Variants in LARP1B observed in about 807,000 individuals in gnomAD.
The protein encoded by LARP1B is La ribonucleoprotein 1B, also known as la-related protein 1B.
In LARP1B, 76 loss-of-function variants were observed where a neutral mutation model predicts 114.2. The observed-to-expected ratio is 0.67, with a 90% CI of 0.55 to 0.81. The LOEUF (loss-of-function observed/expected upper bound fraction) is 0.81, where lower values mean the gene tolerates loss of function less well. Ranked by LOEUF, LARP1B falls within the 30% of genes least tolerant of loss-of-function variation. The pLI is 0.00. For synonymous variants in LARP1B, 345 were observed against 348.0 expected (o/e 0.99, Z 0.10); for missense variants, 1,014 against 1,075.8 (o/e 0.94, Z 0.80).
chr4:128,206,937 A>G (rs1757771441), intron 18 of LARP1B: 3 of 683,368 alleles, frequency 4.4e-6, no homozygotes, highest in East Asian at 1.3e-4. Flanking sequence ...TTTAGAAGCT[A>G]TGTGATTGTG....
Position 128,088,203 on chromosome 4 carries a change from AATG to A in LARP1B, c.359-2781_359-2779del, listed in dbSNP as rs35874685. Reference sequence around the variant, plus strand: ...AGACCCCATCTCTAAAATCAATAATAATGATGATGATGATGATGAACAGTGGAA... The same window carrying A: ...AGACCCCATCTCTAAAATCAATAATAATGATGATGATGATGAACAGTGGAA... On this transcript the variant is annotated intron_variant, in intron 5 of 19. Coordinates refer to ENST00000326639, the MANE Select transcript of LARP1B (RefSeq NM_018078.4). Among the ~76,000 whole-genome samples the A allele has an allele frequency of 3.4e-3, 508 of 150,954 alleles. 5 individuals are homozygous for A. The highest frequency in any genetic ancestry group is 0.012 in the African/African-American group (480 of 41,092).
At position 128,209,917 on chromosome 4, in the gene LARP1B, A is replaced by G. The variant is rs781417699; in HGVS notation, c.2609A>G (p.Asn870Ser). Residue 870 changes from asparagine to serine, a missense_variant, in exon 20 of 20, where the codon AAT becomes AGT. Coordinates refer to ENST00000326639, the MANE Select transcript of LARP1B (RefSeq NM_018078.4). ...RHSSTSGEES[N>S]RHRLPPNSST... is the part of the protein sequence containing the mutation. ...TCCTCTACTTCTGGTGAGGAGAGTA[A>G]TCGTCATAGACTTCCACCTAATTCC... The G allele has an allele frequency of 3.7e-6, 6 of 1,613,974 alleles. No homozygotes were observed. In the South Asian group the frequency reaches 4.4e-5, roughly 12 times the overall value.
chr4:128,111,182 G>T (rs1174658934), intron 9 of LARP1B, among the ~76,000 whole-genome samples: 1 of 152,022 alleles, frequency 6.6e-6, no homozygotes, highest in Non-Finnish European at 1.5e-5. Flanking sequence ...GGGTAGCTGG[G>T]ACTACAGGTG....
In LARP1B at chr4:128,147,599, T is replaced by A. The variant is rs144426019; in HGVS notation, c.1525-14595T>A. Among the ~76,000 whole-genome samples, 220 of 152,320 alleles carry A rather than the reference T, an allele frequency of 1.4e-3. 1 individual carries two copies. Among genetic ancestry groups the A allele is most frequent in the Non-Finnish European group, 2.2e-3 (153 of 68,030 alleles). On this transcript the variant is annotated intron_variant, in intron 11 of 19. Transcript: ENST00000326639. ...TTAAATAATGAAATCTGGATGTGGT[T>A]ATTGCTAGAACAGTGGCTGAAGAAA...
chr4:128,199,293 G>A (rs1755198945), intron 15 of LARP1B, 146 bp from the exon 16 acceptor site: 3 of 472,792 alleles, frequency 6.3e-6, no homozygotes, highest in Admixed American at 4.1e-5. Flanking sequence ...ATGCAGATCT[G>A]TATGTCATTA....
intron 1 of LARP1B, among the ~76,000 whole-genome samples, chr4:128,070,922 CAT>C (rs1765041608): frequency 1.3e-5 from 2 of 152,124 alleles, no homozygotes; most frequent in South Asian, 4.1e-4. Context: ...CATTTTTATA[CAT>C]ATGTCTTATA....
intron 15 of LARP1B, among the ~76,000 whole-genome samples, chr4:128,197,227 G>A (rs1384852736): frequency 1.3e-5 from 2 of 152,110 alleles, no homozygotes; most frequent in Admixed American, 6.5e-5. Context: ...TACCACACAT[G>A]TACACACAAA....
chr4:128,099,559 G>A (rs1264430720), intron 8 of LARP1B, among the ~76,000 whole-genome samples: 1 of 151,962 alleles, frequency 6.6e-6, no homozygotes, highest in Non-Finnish European at 1.5e-5. Context: ...CACCTATGTT[G>A]CATGTAGCAG....
At chr4:128,090,424 A>G (rs1306147883) in intron 5 of LARP1B, among the ~76,000 whole-genome samples, 1 of 151,702 alleles carries the variant, frequency 6.6e-6, no homozygotes, top group East Asian at 1.9e-4. Flanking sequence ...TTTATTGTCC[A>G]CTTGCATTTT....
intron 8 of LARP1B, among the ~76,000 whole-genome samples, chr4:128,105,662 C>T (rs754454835): frequency 7.9e-5 from 12 of 152,136 alleles, no homozygotes; most frequent in East Asian, 1.9e-4. Context: ...GAGGCCGAGG[C>T]GGGTGGATCA....
intron 12 of LARP1B, among the ~76,000 whole-genome samples, chr4:128,166,538 A>G (rs1255515835): frequency 6.6e-6 from 1 of 151,940 alleles, no homozygotes; most frequent in African/African-American, 2.4e-5. Flanking sequence ...TAGTTAAGCA[A>G]ATGAACATAT....
chr4:128,161,327 C>T (rs918586418), intron 11 of LARP1B, among the ~76,000 whole-genome samples: 1 of 152,028 alleles, frequency 6.6e-6, no homozygotes, highest in Non-Finnish European at 1.5e-5. Context: ...AGGTCAGGGC[C>T]GGAAACACTT....
At chr4:128,069,561 A>T in intron 1 of LARP1B, 1 of 739,550 alleles carries the variant, frequency 1.4e-6, no homozygotes, top group South Asian at 1.4e-5. Context: ...ACCAACTCTC[A>T]GAAGAAAGTG....
At chr4:128,221,217 A>G (rs1561599572) in intron 7 of LARP1B, among the ~76,000 whole-genome samples, 1 of 152,244 alleles carries the variant, frequency 6.6e-6, no homozygotes, top group Non-Finnish European at 1.5e-5. Flanking sequence ...AATATCATCC[A>G]TGTGTTTAAA....
chr4:128,157,780 TAAAC>T (rs1302697584), intron 11 of LARP1B, among the ~76,000 whole-genome samples: 3 of 152,130 alleles, frequency 2.0e-5, no homozygotes, highest in Admixed American at 2.0e-4. Context: ...AAGCTCTAAA[TAAAC>T]CTGTATAAAA....
chr4:128,131,700 C>T (rs983182971), intron 11 of LARP1B, among the ~76,000 whole-genome samples: 1 of 152,054 alleles, frequency 6.6e-6, no homozygotes, highest in Non-Finnish European at 1.5e-5. Context: ...CCTGAGCAAT[C>T]AAGCAAGTCC....
chr4:128,135,522 A>G (rs543682129), intron 11 of LARP1B, among the ~76,000 whole-genome samples: 3 of 152,312 alleles, frequency 2.0e-5, no homozygotes, highest in South Asian at 2.1e-4. Context: ...GAGTAAGCCA[A>G]ATGTCTTTCA....
intron 15 of LARP1B, among the ~76,000 whole-genome samples, chr4:128,187,922 T>C (rs1422088005): frequency 1.3e-5 from 2 of 152,114 alleles, no homozygotes; most frequent in Non-Finnish European, 2.9e-5. Context: ...TTCCTCCTGC[T>C]CCAGCTATGT....
chr4:128,213,824 T>C (rs1759291693), downstream of LARP1B, among the ~76,000 whole-genome samples: 1 of 152,120 alleles, frequency 6.6e-6, no homozygotes, highest in African/African-American at 2.4e-5. Context: ...TAGGAACAGC[T>C]CCGGTCTACA....
Sources: allele counts gnomAD v4.1 joint callset (sites outside exome capture counted in the v4.1 genomes callset), GRCh38; gene constraint gnomAD v4.1.1; transcripts MANE v1.5; gene names NCBI Gene and HGNC (gene_info 2026-07-23, HGNC 2026-07-21).